KLF12: variants seen among roughly 807,000 people sequenced by gnomAD.
The protein encoded by KLF12 is KLF transcription factor 12.
Under a neutral mutation model 37.8 loss-of-function variants are expected in KLF12, and 9 were observed. The observed-to-expected ratio is 0.24, with a 90% CI of 0.14 to 0.42. KLF12 has a LOEUF of 0.42. KLF12 is among the 10% of genes least tolerant of loss of function. KLF12 has a pLI of 1.00. For synonymous variants in KLF12, 208 were observed against 202.1 expected, an observed-to-expected ratio of 1.03 and a Z score of -0.25; for missense variants, 411 against 516.0, an observed-to-expected ratio of 0.80 and a Z score of 1.97.
intron 1 of KLF12, among the ~76,000 whole-genome samples, chr13:74,130,563 G>A (rs766196277): frequency 6.6e-6 from 1 of 151,684 alleles, no homozygotes; most frequent in African/African-American, 2.4e-5. Flanking sequence ...AGGCTAAGGT[G>A]GGAGGATCCC....
chr13:74,178,588 G>A, the KLF12 span, among the ~76,000 whole-genome samples: 1 of 152,190 alleles, frequency 6.6e-6, no homozygotes, highest in Non-Finnish European at 1.5e-5. Context: ...AAAACAGAGG[G>A]TTTAAGTTGA....
chr13:74,128,425 C>G (rs560169473), intron 1 of KLF12, among the ~76,000 whole-genome samples: 77 of 152,088 alleles, frequency 5.1e-4, no homozygotes, highest in Non-Finnish European at 1.1e-3. Context: ...CACACAAGAA[C>G]TTTGTAGTTT....
the KLF12 span, among the ~76,000 whole-genome samples, chr13:74,145,366 T>TTG: frequency 1.3e-5 from 2 of 152,238 alleles, no homozygotes; most frequent in Admixed American, 6.5e-5. Flanking sequence ...ATGATACAAT[T>TTG]TGCTATTAGC....
the KLF12 span, among the ~76,000 whole-genome samples, chr13:74,219,493 A>T: frequency 2.0e-5 from 3 of 152,236 alleles, no homozygotes; most frequent in Admixed American, 6.5e-5. Context: ...AGCAATTCAT[A>T]TACCTTGTAT....
chr13:73,767,497 A>C (rs1879994821), intron 5 of KLF12, among the ~76,000 whole-genome samples: 1 of 152,252 alleles, frequency 6.6e-6, no homozygotes, highest in Non-Finnish European at 1.5e-5. Flanking sequence ...ACCACGCTGA[A>C]CAAAAGGGCA....
At chr13:74,027,349 C>T (rs1166598682) in intron 1 of KLF12, among the ~76,000 whole-genome samples, 1 of 152,142 alleles carries the variant, frequency 6.6e-6, no homozygotes, top group African/African-American at 2.4e-5. Context: ...TCTAATTCTA[C>T]AGCTCAAAGA....
chr13:73,785,556 T>G (rs918700374), intron 5 of KLF12, among the ~76,000 whole-genome samples: 2 of 152,172 alleles, frequency 1.3e-5, no homozygotes, highest in Non-Finnish European at 2.9e-5. Context: ...ATATCCACTA[T>G]TAATACAAAC....
chr13:74,258,806 C>T, the KLF12 span: 1 of 152,194 alleles, frequency 6.6e-6, no homozygotes, highest in African/African-American at 2.4e-5. Flanking sequence ...ACTTAGTTTC[C>T]CCAGAAGCAG....
chr13:73,956,356 A>G (rs1890831274), intron 2 of KLF12, among the ~76,000 whole-genome samples: 2 of 152,180 alleles, frequency 1.3e-5, no homozygotes, highest in Non-Finnish European at 2.9e-5. Context: ...CATTGTTGTA[A>G]CTCACATATT....
At chr13:73,871,740 T>C (rs1471698410) in intron 3 of KLF12, among the ~76,000 whole-genome samples, 1 of 152,224 alleles carries the variant, frequency 6.6e-6, no homozygotes, top group Non-Finnish European at 1.5e-5. Flanking sequence ...CTGTCTTCCA[T>C]GACGCATCCT....
the KLF12 span, among the ~76,000 whole-genome samples, chr13:74,242,286 T>A: frequency 6.6e-6 from 1 of 152,080 alleles, no homozygotes; most frequent in African/African-American, 2.4e-5. Context: ...ATCTGTGACC[T>A]ATTAATTCAT....
intron 2 of KLF12, among the ~76,000 whole-genome samples, chr13:73,980,832 G>A (rs771287822): frequency 1.2e-4 from 18 of 152,146 alleles, no homozygotes; most frequent in Non-Finnish European, 2.5e-4. Context: ...TAGTACGGAC[G>A]TGGTAAAATG....
the KLF12 span, among the ~76,000 whole-genome samples, chr13:74,179,114 G>A: frequency 1.3e-5 from 2 of 152,122 alleles, no homozygotes; most frequent in Non-Finnish European, 2.9e-5. Flanking sequence ...TATAGGCTGC[G>A]AGCCTGGACC....
At chr13:74,001,618 T>C (rs757332498) in intron 1 of KLF12, among the ~76,000 whole-genome samples, 3 of 152,238 alleles carry the variant, frequency 2.0e-5, no homozygotes, top group Non-Finnish European at 4.4e-5. Flanking sequence ...CTGCCAATGC[T>C]AAGCAAGATA....
At chr13:73,776,239 G>A (rs1391979431) in intron 5 of KLF12, among the ~76,000 whole-genome samples, 1 of 152,148 alleles carries the variant, frequency 6.6e-6, no homozygotes, top group South Asian at 2.1e-4. Flanking sequence ...TCCAAGAGAT[G>A]GATTCAGTAC....
At chr13:74,205,435 G>A in the KLF12 span, among the ~76,000 whole-genome samples, 1 of 152,126 alleles carries the variant, frequency 6.6e-6, no homozygotes, top group Non-Finnish European at 1.5e-5. Context: ...TTGAGGTTTG[G>A]GAGAGGCTCC....
At chr13:73,986,580 G>C (rs1416541959) in intron 2 of KLF12, among the ~76,000 whole-genome samples, 1 of 152,120 alleles carries the variant, frequency 6.6e-6, no homozygotes, top group Non-Finnish European at 1.5e-5. Flanking sequence ...AAATCTGTTA[G>C]GTTACATGGC....
At chr13:73,956,780 T>C (rs934627129) in intron 2 of KLF12, among the ~76,000 whole-genome samples, 3 of 151,148 alleles carry the variant, frequency 2.0e-5, no homozygotes, top group Admixed American at 1.3e-4. Context: ...TAAAAAAAAC[T>C]AGACGGTCAT....
chr13:74,217,260 G>C, the KLF12 span, among the ~76,000 whole-genome samples: 1 of 151,356 alleles, frequency 6.6e-6, no homozygotes, highest in Admixed American at 6.6e-5. Flanking sequence ...AACCCATTCA[G>C]AGGACAATTG....
Sources: gnomAD v4.1 joint callset for allele counts (sites outside exome capture counted in the v4.1 genomes callset) on GRCh38, gnomAD v4.1.1 for gene constraint, MANE v1.5 for transcripts, NCBI Gene and HGNC (gene_info 2026-07-23, HGNC 2026-07-21) for gene names.